CMTM7: variants seen among roughly 807,000 people sequenced by gnomAD.
CMTM7 encodes the protein CKLF like MARVEL transmembrane domain containing 7, also known as CKLF-like MARVEL transmembrane domain-containing protein 7.
Under a neutral mutation model 19.3 loss-of-function variants are expected in CMTM7, and 7 were observed. The observed-to-expected ratio is 0.36, with a 90% CI of 0.21 to 0.68. CMTM7 has a LOEUF of 0.68. CMTM7 is among the 30% of genes least tolerant of loss of function. The pLI is 0.60. For missense variants in CMTM7, 193 were observed against 232.6 expected, an observed-to-expected ratio of 0.83 and a Z score of 1.11; for synonymous variants, 87 against 99.3, an observed-to-expected ratio of 0.88 and a Z score of 0.74.
chr3:32,407,689 G>A (rs1317870344), intron 1 of CMTM7, among the ~76,000 whole-genome samples: 1 of 152,168 alleles, frequency 6.6e-6, no homozygotes, highest in Non-Finnish European at 1.5e-5. Context: ...ATCAAGCAGT[G>A]CGTCTTGTTT....
chr3:32,415,119 G>T (rs945881780), intron 1 of CMTM7, among the ~76,000 whole-genome samples: 1 of 151,886 alleles, frequency 6.6e-6, no homozygotes, highest in Non-Finnish European at 1.5e-5. Context: ...CAGACCCACT[G>T]GATTAAAAAC....
intron 1 of CMTM7, 71 bp downstream of exon 1, chr3:32,392,136 C>A (rs1695844818): frequency 8.7e-7 from 1 of 1,144,640 alleles, no homozygotes; most frequent in Non-Finnish European, 1.1e-6. Flanking sequence ...CGGGAGCGGA[C>A]GCGCCGGGCG....
At chr3:32,421,272 A>G (rs1575116055) in intron 1 of CMTM7, among the ~76,000 whole-genome samples, 1 of 151,638 alleles carries the variant, frequency 6.6e-6, no homozygotes, top group African/African-American at 2.4e-5. Context: ...CTGGCTCCCC[A>G]TCGCCCACCT....
intron 1 of CMTM7, among the ~76,000 whole-genome samples, chr3:32,400,784 G>A (rs935900443): frequency 1.3e-5 from 2 of 152,136 alleles, no homozygotes; most frequent in Non-Finnish European, 1.5e-5. Context: ...AGTCATGGAG[G>A]TACCCTGGTT....
chr3:32,428,993 A>G (rs6765073), intron 1 of CMTM7, among the ~76,000 whole-genome samples: 1,920 of 152,310 alleles, frequency 0.013, 17 homozygotes, highest in African/African-American at 0.022. Flanking sequence ...GTGAATGTAG[A>G]GCCTCATCGT....
chr3:32,404,995 C>T (rs1696068875), intron 1 of CMTM7, among the ~76,000 whole-genome samples: 1 of 152,184 alleles, frequency 6.6e-6, no homozygotes, highest in Admixed American at 6.5e-5. Flanking sequence ...TGAGAGAGGG[C>T]CTGTGAGGGG....
At chr3:32,418,429 T>C (rs1385769100) in intron 1 of CMTM7, among the ~76,000 whole-genome samples, 1 of 152,208 alleles carries the variant, frequency 6.6e-6, no homozygotes, top group East Asian at 1.9e-4. Flanking sequence ...ATTTATCAGT[T>C]TTTTTTCCTT....
chr3:32,447,655 T>G (rs1238525239), intron 2 of CMTM7, among the ~76,000 whole-genome samples: 1 of 152,236 alleles, frequency 6.6e-6, no homozygotes, highest in Admixed American at 6.5e-5. Context: ...TACTTACGGA[T>G]TCAGCTTTTC....
In CMTM7 at chr3:32,454,321, C is replaced by T; in HGVS notation, c.*67C>T. 6.3e-7 allele frequency: 1 copy of T among 1,596,120 alleles called. No individual in the cohort carries two copies. The highest frequency in any genetic ancestry group is 8.6e-7 in the Non-Finnish European group (1 of 1,164,184). On this transcript the variant is annotated 3_prime_UTR_variant, in exon 5 of 5. Transcript: ENST00000334983. ...GGAGGACGTGTACTCCAGGCGAGGC[C>T]TCTGGACCTGTGTTCCTGTGCCAAA...
intron 1 of CMTM7, among the ~76,000 whole-genome samples, chr3:32,428,509 G>A (rs1223550561): frequency 1.3e-5 from 2 of 152,206 alleles, no homozygotes; most frequent in East Asian, 3.8e-4. Context: ...TGAGATTCAG[G>A]CAGGAAAGAG....
Position 32,454,262 on chromosome 3 carries a change from A to C in CMTM7, c.*8A>C. 6.2e-7 allele frequency: 1 copy of C among 1,611,856 alleles called. No homozygotes were observed. Among genetic ancestry groups the C allele is most frequent in the Non-Finnish European group, 8.5e-7 (1 of 1,178,198 alleles). On this transcript the variant is annotated 3_prime_UTR_variant, in exon 5 of 5. Transcript: ENST00000334983. ...CAAGATGCAGCCGTCTGATGAGGCC[A>C]CAACCCCTAGGCCCCTCAGGAGCTT...
intron 3 of CMTM7, 36 bp from the exon 4 acceptor site, chr3:32,452,356 G>A (rs772827888): frequency 3.7e-6 from 6 of 1,613,962 alleles, no homozygotes. Context: ...TTAGCCCTAT[G>A]GCCTGTGAAC....
intron 1 of CMTM7, among the ~76,000 whole-genome samples, chr3:32,397,551 G>A (rs1695936841): frequency 6.6e-6 from 1 of 151,816 alleles, no homozygotes; most frequent in African/African-American, 2.4e-5. Context: ...TGGCTAACAT[G>A]GTGAAACCCC....
At chr3:32,412,543 C>T (rs1696193904) in intron 1 of CMTM7, among the ~76,000 whole-genome samples, 1 of 104,430 alleles carries the variant, frequency 9.6e-6, no homozygotes, top group Admixed American at 1.0e-4. Context: ...ACACACACTG[C>T]ATCATTAATT....
rs1696887373 is a variant in CMTM7 at position 32,454,928 on chromosome 3, C to G, written c.*674C>G. 5.5e-6 allele frequency: 1 copy of G among 181,874 alleles called. No individual in the cohort carries two copies. Among genetic ancestry groups the G allele is most frequent in the South Asian group, 1.1e-4 (1 of 9,288 alleles). The allele number at this position is 181,874 out of a possible 1,614,324, so 11.3% of individuals were successfully genotyped here. A position where few individuals can be genotyped will look rare whatever the true frequency, so the allele number is the denominator to read the frequency against. ...TTCGAGCTTGTGTCTGGCCCATGGC[C>G]CTCCACCCGTGCTCTGTGTGTGCCC... On this transcript the variant is annotated 3_prime_UTR_variant, in exon 5 of 5. Coordinates refer to ENST00000334983, the MANE Select transcript of CMTM7 (RefSeq NM_138410.4).
At chr3:32,445,488 A>G (rs1417293665) in intron 2 of CMTM7, among the ~76,000 whole-genome samples, 1 of 151,908 alleles carries the variant, frequency 6.6e-6, no homozygotes, top group African/African-American at 2.4e-5. Flanking sequence ...CATTATTAGT[A>G]TGGTGTCTTA....
intron 1 of CMTM7, among the ~76,000 whole-genome samples, chr3:32,435,177 G>T (rs1017853986): frequency 6.6e-6 from 1 of 152,188 alleles, no homozygotes; most frequent in African/African-American, 2.4e-5. Flanking sequence ...GCCGAGGCGG[G>T]TGGATCACGA....
intron 1 of CMTM7, among the ~76,000 whole-genome samples, chr3:32,392,491 C>T (rs906147669): frequency 1.3e-5 from 2 of 152,280 alleles, no homozygotes; most frequent in Admixed American, 1.3e-4. Context: ...CGACCTCTTC[C>T]CCGTCCACGG....
chr3:32,426,253 A>G (rs900100408), intron 1 of CMTM7, among the ~76,000 whole-genome samples: 18 of 152,214 alleles, frequency 1.2e-4, no homozygotes, highest in African/African-American at 4.3e-4. Context: ...ACCACAGTTA[A>G]CACACCAGGC....
Sources: gnomAD v4.1 joint callset for allele counts (sites outside exome capture counted in the v4.1 genomes callset) on GRCh38, gnomAD v4.1.1 for gene constraint, MANE v1.5 for transcripts, NCBI Gene and HGNC (gene_info 2026-07-23, HGNC 2026-07-21) for gene names.